The following DDX60L variants were observed in gnomAD, a reference collection of about 807,000 sequenced individuals.
DDX60L encodes probable ATP-dependent RNA helicase DDX60-like.
A neutral mutation model predicts 211.6 loss-of-function variants in DDX60L; 191 were observed. The ratio of observed to expected loss-of-function variants is 0.90; its 90% confidence interval spans 0.80 to 1.02. The LOEUF (loss-of-function observed/expected upper bound fraction) is 1.02, where lower values mean the gene tolerates loss of function less well. DDX60L is among the 50% of genes least tolerant of loss of function. The pLI is 0.00. For synonymous variants in DDX60L, 706 were observed against 694.1 expected (o/e 1.02, Z -0.27); for missense variants, 2,007 against 1,984.1 (o/e 1.01, Z -0.22).
At chr4:168,371,268 T>G (rs1049619069) in intron 36 of DDX60L, among the ~76,000 whole-genome samples, 1 of 150,618 alleles carries the variant, frequency 6.6e-6, no homozygotes, top group Non-Finnish European at 1.5e-5. Context: ...AGCTTTGTAA[T>G]ATATCCAAAT....
At chr4:168,398,512 G>A (rs1746221549) in intron 26 of DDX60L, among the ~76,000 whole-genome samples, 1 of 152,208 alleles carries the variant, frequency 6.6e-6, no homozygotes, top group Admixed American at 6.5e-5. Context: ...GACAGGCTCG[G>A]AGCAGAAAGG....
At chr4:168,378,999 G>A (rs1474024633) in intron 32 of DDX60L, among the ~76,000 whole-genome samples, 4 of 152,148 alleles carry the variant, frequency 2.6e-5, no homozygotes, top group East Asian at 1.9e-4. Flanking sequence ...TCCCCATAAC[G>A]CATGAGCACC....
Position 168,472,515 on chromosome 4 carries a change from TC to T in DDX60L, c.13del (p.Asp5IlefsTer9). The T allele has an allele frequency of 6.3e-7, 1 of 1,579,894 alleles. No individual in the cohort carries two copies. The highest frequency in any genetic ancestry group is 1.3e-5 in the African/African-American group (1 of 74,280). ...CATTTCCCTGAAAAATACTGCATGA[TC>T]CTTTGACCCTAAAAATAAGGAGATT... MGSK[D>X]HAVFFREMTQ... On this transcript the variant is annotated frameshift_variant, in exon 3 of 38. Coordinates refer to ENST00000682922, the MANE Select transcript of DDX60L (RefSeq NM_001012967.3). LOFTEE classifies it high-confidence loss of function.
At chr4:168,454,078 G>A (rs1756188362) in intron 7 of DDX60L, among the ~76,000 whole-genome samples, 1 of 152,116 alleles carries the variant, frequency 6.6e-6, no homozygotes, top group Non-Finnish European at 1.5e-5. Context: ...TATGATGGGT[G>A]CTATTCACAC....
intron 6 of DDX60L, among the ~76,000 whole-genome samples, chr4:168,456,436 T>C (rs769490953): frequency 1.3e-5 from 2 of 152,046 alleles, no homozygotes; most frequent in Admixed American, 1.3e-4. Context: ...AAGAAGGAAA[T>C]AGATTATTAA....
At chr4:168,469,592 G>C (rs1401621817) in intron 4 of DDX60L, 3 of 152,142 alleles carry the variant, frequency 2.0e-5, no homozygotes, top group Admixed American at 2.0e-4. Flanking sequence ...AGAAAACGAA[G>C]TGGCAGCCGG....
At position 168,406,700 on chromosome 4, in the gene DDX60L, T is replaced by A; in HGVS notation, c.2986A>T (p.Lys996Ter). The change falls in exon 23 of 38, where the codon AAG becomes TAG. Residue 996 changes from lysine (K) to a stop codon, truncating the protein, a stop_gained. Transcript: ENST00000682922. LOFTEE classifies it high-confidence loss of function. ...CAALTTDIIE[K>*]YGFPPDLTLT... Reference sequence around the variant, plus strand: ...GTAAGATCAGGTGGGAATCCATACTTTTCAATCTGTGAATAAACAAATTAA... The same window carrying A: ...GTAAGATCAGGTGGGAATCCATACTATTCAATCTGTGAATAAACAAATTAA... The A allele has an allele frequency of 6.3e-7, 1 of 1,586,376 alleles. No homozygotes were observed. Among genetic ancestry groups the A allele is most frequent in the Non-Finnish European group, 8.6e-7 (1 of 1,167,392 alleles).
At chr4:168,397,848 T>G (rs1746086354) in intron 26 of DDX60L, among the ~76,000 whole-genome samples, 1 of 152,052 alleles carries the variant, frequency 6.6e-6, no homozygotes, top group African/African-American at 2.4e-5. Context: ...CACTTCTGAG[T>G]TGACAGGGTG....
chr4:168,362,521 C>A, intron 36 of DDX60L, among the ~76,000 whole-genome samples: 1 of 152,190 alleles, frequency 6.6e-6, no homozygotes, highest in East Asian at 1.9e-4. Flanking sequence ...CACCATACAG[C>A]CTGCTGGCAC....
At chr4:168,381,327 G>C (rs1742911758) in intron 30 of DDX60L, among the ~76,000 whole-genome samples, 1 of 152,074 alleles carries the variant, frequency 6.6e-6, no homozygotes, top group African/African-American at 2.4e-5. Flanking sequence ...TCACAGGCTG[G>C]AGTGCAGTAG....
intron 5 of DDX60L, among the ~76,000 whole-genome samples, chr4:168,460,636 T>C (rs1310086877): frequency 1.3e-5 from 2 of 151,636 alleles, no homozygotes; most frequent in Admixed American, 6.6e-5. Context: ...AAAAAAAGTA[T>C]GGGTTTTCCA....
chr4:168,404,205 T>A (rs981324545), intron 24 of DDX60L, 99 bp from the exon 25 acceptor site: 17 of 896,930 alleles, frequency 1.9e-5, no homozygotes, highest in Non-Finnish European at 2.3e-5. Flanking sequence ...AGAATAATTT[T>A]TCATATATAA....
Position 168,404,002 on chromosome 4 carries a change from C to T in DDX60L, c.3318G>A (p.Lys1106=). 6.8e-7 allele frequency: 1 copy of T among 1,474,350 alleles called. No homozygotes were observed. The highest frequency in any genetic ancestry group is 9.1e-7 in the Non-Finnish European group (1 of 1,097,632). 91.3% of individuals were successfully genotyped at this position (1,474,350 alleles called of 1,614,324 possible). Residue 1106 remains lysine (K), a synonymous_variant, in exon 25 of 38, where the codon AAG becomes AAA. Transcript: ENST00000682922. ...CTTACAAAAAAAATATTGCAGGCAA[C>T]TTATCCATTTGTCTTAACTTTTCAA... ...LLVEKLRQMD[K]LPAIFFLFKN...
intron 30 of DDX60L, 63 bp from the exon 31 acceptor site, chr4:168,379,893 A>ACACACAC: frequency 4.2e-6 from 5 of 1,184,368 alleles, no homozygotes; most frequent in Non-Finnish European, 6.1e-6. Context: ...ACTGATATGT[A>ACACACAC]ATAAATAGTA....
intron 10 of DDX60L, 132 bp downstream of exon 10, chr4:168,441,205 C>T: frequency 2.4e-6 from 2 of 845,202 alleles, no homozygotes; most frequent in South Asian, 3.7e-5. Context: ...TTTTAAACCT[C>T]AATTAAGAGG....
intron 4 of DDX60L, among the ~76,000 whole-genome samples, chr4:168,465,907 T>C (rs1757933154): frequency 6.6e-6 from 1 of 152,202 alleles, no homozygotes; most frequent in African/African-American, 2.4e-5. Flanking sequence ...CTTTGTGGAA[T>C]ACTTTGAAAT....
At chr4:168,420,497 C>T (rs1172140101) in intron 17 of DDX60L, 117 bp from the exon 18 acceptor site, 1 of 646,918 alleles carries the variant, frequency 1.5e-6, no homozygotes, top group Non-Finnish European at 2.4e-6. Context: ...CACACACACA[C>T]ACACACACTT....
chr4:168,461,898 T>C lies in DDX60L; in HGVS notation c.407A>G (p.Glu136Gly), dbSNP rs1293633523. 1 of 1,612,084 alleles carries C rather than the reference T, an allele frequency of 6.2e-7. No homozygotes were observed. Among genetic ancestry groups the C allele is most frequent in the Non-Finnish European group, 8.5e-7 (1 of 1,178,948 alleles). The stretch of plus-strand genomic sequence containing the variant: ...TATCAGAAAATACGGGTAATGCTGT[T>C]CCAAGAATAACTTCCAATCTTGTGA... Reference protein sequence around the residue: ...CLSQDWKLFLEQHYPYFLIVS... With the variant: ...CLSQDWKLFLGQHYPYFLIVS... Residue 136 changes from glutamate to glycine, a missense_variant, in exon 5 of 38, where the codon GAA becomes GGA. Glu to Gly is a moderately conservative substitution (Grantham distance 98). Transcript: ENST00000682922.
Position 168,421,823 on chromosome 4 carries a change from G to A in DDX60L, c.2331C>T (p.Tyr777=), listed in dbSNP as rs756730867. 6.2e-7 allele frequency: 1 copy of A among 1,614,208 alleles called. No homozygotes were observed. The highest frequency in any genetic ancestry group is 8.5e-7 in the Non-Finnish European group (1 of 1,180,048). The stretch of plus-strand genomic sequence containing the variant: ...TCTCCCTCAGCACTTTCTCCATGCA[G>A]TAGTAGGAAGCATAGGTTTTGCCTG... The part of the protein sequence containing the change: ...TSSGKTYASY[Y]CMEKVLRESD... Residue 777 remains tyrosine, a synonymous_variant, in exon 17 of 38, where the codon TAC becomes TAT. Transcript: ENST00000682922.
Sources: allele counts gnomAD v4.1 joint callset (sites outside exome capture counted in the v4.1 genomes callset), GRCh38; gene constraint gnomAD v4.1.1; transcripts MANE v1.5; gene names NCBI Gene and HGNC (gene_info 2026-07-23, HGNC 2026-07-21).